The following RAPH1 variants were observed in gnomAD, a reference collection of about 807,000 sequenced individuals.
RAPH1 encodes the protein ras-associated and pleckstrin homology domains-containing protein 1.
RAPH1 carries 18 observed loss-of-function variants against 88.1 expected under a neutral mutation model. That is an observed-to-expected ratio of 0.20 (90% CI 0.14 to 0.30). The LOEUF (loss-of-function observed/expected upper bound fraction) is 0.30, where lower values mean the gene tolerates loss of function less well. Among genes scored for constraint, RAPH1 ranks in the 10% least tolerant of loss-of-function variants. The pLI is 1.00. For synonymous variants in RAPH1, 587 were observed against 559.0 expected (o/e 1.05, Z -0.71); for missense variants, 1,448 against 1,543.2 (o/e 0.94, Z 1.03).
In RAPH1 at chr2:203,435,923, T is replaced by G. The variant is rs763907975; in HGVS notation, c.*3514A>C. 35 of 152,344 alleles carry G rather than the reference T, an allele frequency of 2.3e-4. No homozygotes were observed. Among genetic ancestry groups the G allele is most frequent in the Admixed American group, 3.9e-4 (6 of 15,300 alleles). 9.4% of individuals were successfully genotyped at this position (152,344 alleles called of 1,614,324 possible). A position where few individuals can be genotyped will look rare whatever the true frequency, so the allele number is the denominator to read the frequency against. The stretch of plus-strand genomic sequence containing the variant: ...CAGGCTAATTTATAACTTTATGGAT[T>G]TCCTCGATACAAGTTTATTAGTTTA... On this transcript the variant is annotated 3_prime_UTR_variant, in exon 14 of 14. Transcript: ENST00000319170.
chr2:203,444,826 A>G (rs2098507995), intron 13 of RAPH1, 42 bp downstream of exon 13: 1 of 1,593,726 alleles, frequency 6.3e-7, no homozygotes, highest in Non-Finnish European at 8.6e-7. Flanking sequence ...ACCCAAAAGA[A>G]TACCACAGAA....
intron 1 of RAPH1, among the ~76,000 whole-genome samples, chr2:203,523,905 G>A (rs947166110): frequency 2.6e-5 from 4 of 152,152 alleles, no homozygotes; most frequent in Admixed American, 6.5e-5. Flanking sequence ...TCGGGAGGCT[G>A]GGGCAGGAGA....
chr2:203,526,924 C>T (rs1690148629), intron 1 of RAPH1, among the ~76,000 whole-genome samples: 1 of 151,824 alleles, frequency 6.6e-6, no homozygotes. Context: ...GCTGGGATTA[C>T]AGGCACATGC....
Position 203,455,551 on chromosome 2 carries a change from T to A in RAPH1, c.1188A>T (p.Val396=). The change falls in exon 9 of 14, where the codon GTA becomes GTT. Residue 396 remains valine, a synonymous_variant. Transcript: ENST00000319170. ...ACCAAAGGACTCCTTCAATTTCTGG[T>A]ACAGTTACAGAACTTCCACAAAAAC... ...EECFCGSSVT[V]PEIEGVLWLK... is the part of the protein sequence containing the mutation. 6.2e-7 allele frequency: 1 copy of A among 1,613,220 alleles called. No individual in the cohort carries two copies. The highest frequency in any genetic ancestry group is 8.5e-7 in the Non-Finnish European group (1 of 1,179,514).
chr2:203,440,891 G>A lies in RAPH1; in HGVS notation c.2299C>T (p.Pro767Ser), dbSNP rs763243872. Residue 767 changes from proline (P) to serine (S), a missense_variant, in exon 14 of 14, where the codon CCT becomes TCT. This residue lies in a region of RAPH1 where 935 missense variants were observed against 890.1 expected (regional missense o/e 1.05). Coordinates refer to ENST00000319170, the MANE Select transcript of RAPH1 (RefSeq NM_213589.3). ...QVAPPTPPPP[P>S]PIPAPLPPQA... ...GGAGGGAGGGGTGCAGGGATAGGAG[G>A]AGGTGGGGGGGGTGTTGGGGGAGCC... is the stretch of plus-strand genomic sequence containing the variant. 4.3e-6 allele frequency: 6 copies of A among 1,389,312 alleles called. No individual in the cohort carries two copies. The Admixed American group carries it at 9.7e-5, about 23-fold the overall frequency. 86.1% of individuals were successfully genotyped at this position (1,389,312 alleles called of 1,614,324 possible).
At chr2:203,495,787 T>G (rs1462804188) in intron 1 of RAPH1, among the ~76,000 whole-genome samples, 3 of 152,160 alleles carry the variant, frequency 2.0e-5, no homozygotes, top group Non-Finnish European at 4.4e-5. Flanking sequence ...TAGATACCAA[T>G]AGGTACCCTG....
At chr2:203,475,714 C>T (rs1184473585) in intron 4 of RAPH1, among the ~76,000 whole-genome samples, 2 of 148,976 alleles carry the variant, frequency 1.3e-5, no homozygotes, top group Non-Finnish European at 3.0e-5. Flanking sequence ...CTGGGGTCCA[C>T]TCATATTTCT....
chr2:203,448,769 T>C lies in RAPH1; in HGVS notation c.1481A>G (p.His494Arg), dbSNP rs2098512200. The change falls in exon 11 of 14, where the codon CAT (histidine) becomes CGT (arginine). Residue 494 changes from histidine (H) to arginine (R), a missense_variant. By Grantham distance (29) the His-to-Arg change is conservative. Coordinates refer to ENST00000319170, the MANE Select transcript of RAPH1 (RefSeq NM_213589.3). The surrounding 1 kb of genome is among the most constrained non-coding windows in gnomAD (Gnocchi z 4.1). ...YLCCDDVRTL[H>R]QWVNGIRIAK... ...AATGCGGATCCCATTGACCCACTGA[T>C]GCAGTGTCCTCACATCATCACAACA... 7.4e-6 allele frequency: 12 copies of C among 1,610,808 alleles called. No individual in the cohort carries two copies. The Middle Eastern group carries it at 2.0e-3, about 267-fold the overall frequency.
intron 10 of RAPH1, among the ~76,000 whole-genome samples, chr2:203,453,367 A>C (rs1315580411): frequency 6.6e-6 from 1 of 151,874 alleles, no homozygotes; most frequent in African/African-American, 2.4e-5. Flanking sequence ...CAATATGGCT[A>C]AACCCTGTCT....
At chr2:203,506,783 GAT>G (rs1249763475) in intron 1 of RAPH1, among the ~76,000 whole-genome samples, 30 of 38,318 alleles carry the variant, frequency 7.8e-4, no homozygotes, top group African/African-American at 3.0e-3. Flanking sequence ...TATATATCTA[GAT>G]ATATATATCT....
intron 6 of RAPH1, 49 bp downstream of exon 6, chr2:203,461,200 T>C (rs778227176): frequency 2.4e-6 from 3 of 1,238,762 alleles, no homozygotes; most frequent in Non-Finnish European, 3.3e-6. Flanking sequence ...TGAAAACTGA[T>C]GAAATTACAC....
Position 203,436,089 on chromosome 2 carries a change from C to A in RAPH1, c.*3348G>T, listed in dbSNP as rs2098498250. ...CCCCAATTTAAATTTTCTTGATAAA[C>A]TCAGCGTTGTTTGTTTTCAGTGACA... On this transcript the variant is annotated 3_prime_UTR_variant, in exon 14 of 14. Transcript: ENST00000319170. 1.3e-5 allele frequency: 2 copies of A among 152,136 alleles called. No homozygotes were observed. Among genetic ancestry groups the A allele is most frequent in the Admixed American group, 1.3e-4 (2 of 15,274 alleles). 9.4% of individuals were successfully genotyped at this position (152,136 alleles called of 1,614,324 possible).
intron 4 of RAPH1, among the ~76,000 whole-genome samples, chr2:203,463,171 C>T (rs954715139): frequency 1.3e-5 from 2 of 149,554 alleles, no homozygotes; most frequent in Admixed American, 1.3e-4. Context: ...CACTGCACTC[C>T]AGCCTGGGCA....
chr2:203,457,254 C>A (rs962878676), intron 8 of RAPH1, among the ~76,000 whole-genome samples: 4 of 152,028 alleles, frequency 2.6e-5, no homozygotes, highest in African/African-American at 9.7e-5. Context: ...GTGGTGCAAT[C>A]TCGGCTCGCT....
chr2:203,484,660 T>C (rs1372666411), intron 4 of RAPH1, among the ~76,000 whole-genome samples: 1 of 152,198 alleles, frequency 6.6e-6, no homozygotes, highest in East Asian at 1.9e-4. Flanking sequence ...GCACTCAATT[T>C]ATATCGTGTA....
At chr2:203,471,607 G>A (rs1273175616) in intron 4 of RAPH1, among the ~76,000 whole-genome samples, 1 of 151,102 alleles carries the variant, frequency 6.6e-6, no homozygotes, top group African/African-American at 2.4e-5. Context: ...TGAAACTCTT[G>A]TCTCAAGAAA....
At chr2:203,469,244 C>T (rs2098531105) in intron 4 of RAPH1, among the ~76,000 whole-genome samples, 1 of 152,088 alleles carries the variant, frequency 6.6e-6, no homozygotes, top group Admixed American at 6.5e-5. Context: ...GGAAAAAGAG[C>T]TAGACTTAGA....
chr2:203,460,112 T>G, intron 6 of RAPH1, 84 bp from the exon 7 acceptor site: 1 of 1,194,476 alleles, frequency 8.4e-7, no homozygotes, highest in Non-Finnish European at 1.2e-6. Context: ...GTAGTTAACC[T>G]CAGAACCACA....
intron 1 of RAPH1, among the ~76,000 whole-genome samples, chr2:203,524,393 A>G (rs1344931129): frequency 6.6e-6 from 1 of 152,114 alleles, no homozygotes; most frequent in East Asian, 1.9e-4. Context: ...AAATACACCT[A>G]CCCTATAACC....
Sources: gnomAD v4.1 joint callset for allele counts (sites outside exome capture counted in the v4.1 genomes callset) on GRCh38, gnomAD v4.1.1 for gene constraint, gnomAD v4.1.1 regional missense constraint, Gnocchi (gnomAD v3.1) non-coding constraint, MANE v1.5 for transcripts, NCBI Gene and HGNC (gene_info 2026-07-23, HGNC 2026-07-21) for gene names.